The following RBFOX1 variants were observed in gnomAD, a reference collection of about 807,000 sequenced individuals.
The protein encoded by RBFOX1 is RNA binding protein fox-1 homolog 1.
In RBFOX1, 8 loss-of-function variants were observed where a neutral mutation model predicts 57.7. The ratio of observed to expected loss-of-function variants is 0.14; its 90% CI spans 0.08 to 0.25. RBFOX1 has a LOEUF of 0.25. Ranked by LOEUF, RBFOX1 falls within the 10% of genes least tolerant of loss-of-function variation. The pLI, the probability that RBFOX1 is intolerant of heterozygous loss-of-function variation, is 1.00. For synonymous variants in RBFOX1, 326 were observed against 222.4 expected (o/e 1.47, Z -4.15); for missense variants, 611 against 548.5 (o/e 1.11, Z -1.14).
intron 4 of RBFOX1, among the ~76,000 whole-genome samples, chr16:7,275,348 C>T (rs1567994050): frequency 1.3e-5 from 2 of 152,190 alleles, no homozygotes; most frequent in Non-Finnish European, 2.9e-5. Flanking sequence ...CTCTGCTTAA[C>T]CATTTCCCTG....
At chr16:7,332,479 GC>G (rs1379892066) in intron 4 of RBFOX1, among the ~76,000 whole-genome samples, 1 of 152,094 alleles carries the variant, frequency 6.6e-6, no homozygotes, top group African/African-American at 2.4e-5. Flanking sequence ...GCCAAACGTT[GC>G]CCACATTAAC....
intron 4 of RBFOX1, among the ~76,000 whole-genome samples, chr16:7,378,382 A>C (rs1236129687): frequency 6.6e-6 from 1 of 152,154 alleles, no homozygotes; most frequent in African/African-American, 2.4e-5. Context: ...TCACGAAACC[A>C]AGCCCCCTGG....
chr16:7,065,790 C>A (rs1188976018), intron 4 of RBFOX1, among the ~76,000 whole-genome samples: 1 of 152,096 alleles, frequency 6.6e-6, no homozygotes, highest in Non-Finnish European at 1.5e-5. Context: ...TATTATTTGA[C>A]CAATATCTCC....
chr16:6,603,482 A>T (rs28697902), intron 2 of RBFOX1, among the ~76,000 whole-genome samples: 3,695 of 152,310 alleles, frequency 0.024, 152 homozygotes, highest in African/African-American at 0.085. Flanking sequence ...CTCTTGCTTT[A>T]GATCAGAGCC....
chr16:6,207,719 A>C (rs1026679356), intron 1 of RBFOX1, among the ~76,000 whole-genome samples: 1 of 151,990 alleles, frequency 6.6e-6, no homozygotes, highest in Non-Finnish European at 1.5e-5. Flanking sequence ...ACAGGGCCTC[A>C]CTCTGTCACT....
intron 4 of RBFOX1, among the ~76,000 whole-genome samples, chr16:7,299,561 C>T (rs1336398608): frequency 6.6e-6 from 1 of 152,326 alleles, no homozygotes; most frequent in East Asian, 1.9e-4. Context: ...GCCCTTTACT[C>T]TGAAAAAGGA....
At chr16:5,717,765 A>G (rs1033023944) in intron 3 of RBFOX1, among the ~76,000 whole-genome samples, 2 of 152,228 alleles carry the variant, frequency 1.3e-5, no homozygotes, top group African/African-American at 2.4e-5. Flanking sequence ...TCTTGTTTGC[A>G]AGAAGATTTG....
intron 4 of RBFOX1, among the ~76,000 whole-genome samples, chr16:7,486,366 C>T (rs1257651444): frequency 3.3e-5 from 5 of 151,876 alleles, no homozygotes; most frequent in African/African-American, 1.2e-4. Context: ...CACCTGACCT[C>T]GAGTGATCCA....
intron 1 of RBFOX1, among the ~76,000 whole-genome samples, chr16:5,355,961 C>G (rs148023527): frequency 6.6e-6 from 1 of 152,076 alleles, no homozygotes; most frequent in Non-Finnish European, 1.5e-5. Context: ...CATGGTGGCC[C>G]GTGCCTGTAA....
chr16:6,918,586 C>T (rs1192154460), intron 3 of RBFOX1, among the ~76,000 whole-genome samples: 1 of 152,120 alleles, frequency 6.6e-6, no homozygotes, highest in East Asian at 1.9e-4. Flanking sequence ...TAACCAGGGA[C>T]ATAAAAATGA....
chr16:7,548,751 A>G (rs2085382779), intron 5 of RBFOX1, among the ~76,000 whole-genome samples: 1 of 152,132 alleles, frequency 6.6e-6, no homozygotes. Flanking sequence ...TTTCTTCTCC[A>G]CTTGAGGCCG....
rs140238438 is a variant in RBFOX1 at position 6,992,306 on chromosome 16, C to T, written c.-15-59751C>T. On this transcript the variant is annotated intron_variant, in intron 3 of 15. Transcript: ENST00000550418. ...AATCTCGGCTCATTGCAGCCTCTGC[C>T]TCCCAGGTTCAAGCAATTCTCCTGC... 2.9e-3 allele frequency among the ~76,000 whole-genome samples: 439 copies of T among 152,170 alleles called. 15 individuals carry two copies. In the South Asian group the frequency reaches 0.073, roughly 25 times the overall value.
At chr16:7,051,600 A>C (rs1454053352) in intron 3 of RBFOX1, among the ~76,000 whole-genome samples, 1 of 152,230 alleles carries the variant, frequency 6.6e-6, no homozygotes, top group Non-Finnish European at 1.5e-5. Flanking sequence ...CCCAGTTGCC[A>C]AGGCATGACA....
chr16:5,429,779 G>A (rs1344444840), intron 1 of RBFOX1, among the ~76,000 whole-genome samples: 1 of 152,202 alleles, frequency 6.6e-6, no homozygotes, highest in Non-Finnish European at 1.5e-5. Context: ...GGCCTGCTGT[G>A]GCTGATGGAG....
intron 3 of RBFOX1, among the ~76,000 whole-genome samples, chr16:6,691,958 T>C (rs2060267497): frequency 6.6e-6 from 1 of 152,180 alleles, no homozygotes; most frequent in Non-Finnish European, 1.5e-5. Context: ...TGGTGGCCTT[T>C]TGAAGCTGGA....
chr16:7,161,879 G>A (rs540885545), intron 4 of RBFOX1, among the ~76,000 whole-genome samples: 10 of 152,328 alleles, frequency 6.6e-5, no homozygotes, highest in African/African-American at 2.2e-4. Context: ...GCAGTGCCCA[G>A]AATGAGAAAG....
intron 4 of RBFOX1, among the ~76,000 whole-genome samples, chr16:7,095,838 C>T (rs931715836): frequency 2.0e-5 from 3 of 151,826 alleles, no homozygotes; most frequent in Non-Finnish European, 2.9e-5. Flanking sequence ...CGGTGAAACA[C>T]CTTCTGTACT....
intron 3 of RBFOX1, among the ~76,000 whole-genome samples, chr16:5,650,138 C>G (rs1346012492): frequency 7.9e-5 from 12 of 152,210 alleles, no homozygotes; most frequent in Admixed American, 7.2e-4. Flanking sequence ...GACAGGGACT[C>G]AACAGCCTCC....
At chr16:7,697,038 T>C (rs1242780351) in intron 14 of RBFOX1, among the ~76,000 whole-genome samples, 1 of 152,118 alleles carries the variant, frequency 6.6e-6, no homozygotes, top group Non-Finnish European at 1.5e-5. Context: ...AGAACATATT[T>C]GGGATTTTAA....
Sources: gnomAD v4.1 joint callset for allele counts (sites outside exome capture counted in the v4.1 genomes callset) on GRCh38, gnomAD v4.1.1 for gene constraint, MANE v1.5 for transcripts, NCBI Gene and HGNC (gene_info 2026-07-23, HGNC 2026-07-21) for gene names.